FRMD4A: variants seen among roughly 807,000 people sequenced by gnomAD.
FRMD4A encodes FERM domain-containing protein 4A.
Under a neutral mutation model 129.1 loss-of-function variants are expected in FRMD4A, and 29 were observed. That is an observed-to-expected ratio of 0.22 (90% CI 0.17 to 0.31). The LOEUF is 0.31. Ranked by LOEUF, FRMD4A falls within the 10% of genes least tolerant of loss-of-function variation. The probability of loss-of-function intolerance (pLI) is 1.00; values close to 1 mark genes in which losing one functional copy is unlikely to be tolerated. For missense variants in FRMD4A, 1,272 were observed against 1,375.8 expected, an observed-to-expected ratio of 0.92 and a Z score of 1.19; for synonymous variants, 634 against 571.6, an observed-to-expected ratio of 1.11 and a Z score of -1.56.
intron 2 of FRMD4A, among the ~76,000 whole-genome samples, chr10:13,886,093 A>G (rs2094616279): frequency 1.3e-5 from 2 of 151,984 alleles, no homozygotes; most frequent in South Asian, 4.2e-4. Flanking sequence ...ACATCTATAT[A>G]CTTCTTCCCA....
intron 21 of FRMD4A, among the ~76,000 whole-genome samples, chr10:13,657,821 CAA>C (rs1248452255): frequency 3.5e-5 from 5 of 141,530 alleles, no homozygotes; most frequent in African/African-American, 1.4e-4. Context: ...TCTATAGACA[CAA>C]AGAGAATCAC....
At chr10:14,281,345 C>T (rs1194162192) in intron 2 of FRMD4A, among the ~76,000 whole-genome samples, 2 of 152,182 alleles carry the variant, frequency 1.3e-5, no homozygotes, top group East Asian at 1.9e-4. Flanking sequence ...AGCAGGAAGA[C>T]TACATAAAGA....
At chr10:14,324,977 C>A (rs1009015924) in intron 2 of FRMD4A, among the ~76,000 whole-genome samples, 1 of 152,138 alleles carries the variant, frequency 6.6e-6, no homozygotes, top group African/African-American at 2.4e-5. Flanking sequence ...TAAATTTTAT[C>A]GCAAATTATC....
chr10:14,194,154 T>C (rs1156292881), intron 2 of FRMD4A, among the ~76,000 whole-genome samples: 1 of 152,186 alleles, frequency 6.6e-6, no homozygotes, highest in African/African-American at 2.4e-5. Context: ...ACAATCAGCT[T>C]CTATAACCAC....
chr10:14,265,715 C>T (rs141777570), intron 2 of FRMD4A, among the ~76,000 whole-genome samples: 1 of 152,156 alleles, frequency 6.6e-6, no homozygotes, highest in Admixed American at 6.5e-5. Context: ...TCATAGGATG[C>T]AGCTATGGAA....
rs539113835 is a variant in FRMD4A at position 13,996,113 on chromosome 10, A to G, written c.46-137201T>C. Among the ~76,000 whole-genome samples the G allele has an allele frequency of 3.9e-5, 6 of 152,368 alleles. No homozygotes were observed. In the South Asian group the frequency reaches 1.0e-3, roughly 26 times the overall value. ...CAAAACTTTCTTCCTGTGTCCTCAC[A>G]TGGTGGAAGGGACTACTGAGCTTTT... On this transcript the variant is annotated intron_variant, in intron 2 of 24. Transcript: ENST00000357447.
At chr10:13,734,840 C>CTATTTATT (rs140004557) in intron 12 of FRMD4A, among the ~76,000 whole-genome samples, 42 of 141,604 alleles carry the variant, frequency 3.0e-4, no homozygotes, top group Middle Eastern at 3.5e-3. Flanking sequence ...TCTTCTTTTT[C>CTATTTATT]TATTTATTTA....
chr10:13,697,671 T>C (rs1297302931), intron 14 of FRMD4A, among the ~76,000 whole-genome samples: 1 of 151,950 alleles, frequency 6.6e-6, no homozygotes, highest in Non-Finnish European at 1.5e-5. Flanking sequence ...AGCTTCAATG[T>C]CCCTGTCCCC....
At chr10:13,731,755 T>G (rs769211975) in intron 12 of FRMD4A, among the ~76,000 whole-genome samples, 1 of 152,058 alleles carries the variant, frequency 6.6e-6, no homozygotes, top group Admixed American at 6.6e-5. Flanking sequence ...GCTGATATTC[T>G]GGGGGAGGTG....
At chr10:13,666,834 G>C (rs532292900) in intron 17 of FRMD4A, among the ~76,000 whole-genome samples, 2 of 151,900 alleles carry the variant, frequency 1.3e-5, no homozygotes, top group South Asian at 2.1e-4. Context: ...TAACTCACAG[G>C]CCTCTGACTC....
intron 6 of FRMD4A, among the ~76,000 whole-genome samples, chr10:13,777,600 C>T (rs2130761654): frequency 6.6e-6 from 1 of 152,206 alleles, no homozygotes; most frequent in South Asian, 2.1e-4. Flanking sequence ...AAGGTGTCAT[C>T]ACCTCCACTC....
chr10:13,884,204 A>ACTCACACACT (rs2094589303), intron 2 of FRMD4A, among the ~76,000 whole-genome samples: 1 of 52,292 alleles, frequency 1.9e-5, no homozygotes, highest in African/African-American at 6.9e-5. Context: ...ACTCACACAC[A>ACTCACACACT]CACTCACACA....
chr10:13,784,399 G>A (rs3995593), intron 5 of FRMD4A, among the ~76,000 whole-genome samples: 101,744 of 151,742 alleles, frequency 0.67, 34,431 homozygotes, highest in East Asian at 0.83. Flanking sequence ...AACAACAACA[G>A]CAGCAGCAAA....
intron 2 of FRMD4A, among the ~76,000 whole-genome samples, chr10:13,965,710 A>T (rs2095481345): frequency 6.6e-6 from 1 of 152,230 alleles, no homozygotes; most frequent in African/African-American, 2.4e-5. Flanking sequence ...ACAAGTTATG[A>T]ATTGGAAATA....
intron 2 of FRMD4A, among the ~76,000 whole-genome samples, chr10:13,970,964 TA>T (rs2095514111): frequency 6.6e-6 from 1 of 152,192 alleles, no homozygotes; most frequent in Non-Finnish European, 1.5e-5. Context: ...CAGAGGCCAC[TA>T]TGTAAAGGAA....
At chr10:14,310,358 A>G (rs777261561) in intron 2 of FRMD4A, among the ~76,000 whole-genome samples, 2 of 152,248 alleles carry the variant, frequency 1.3e-5, no homozygotes, top group Admixed American at 6.5e-5. Flanking sequence ...TTATTTAGGC[A>G]GACAGTGAGG....
intron 2 of FRMD4A, among the ~76,000 whole-genome samples, chr10:14,248,363 C>T (rs1844318658): frequency 6.6e-6 from 1 of 152,224 alleles, no homozygotes; most frequent in Non-Finnish European, 1.5e-5. Flanking sequence ...AAACCACATA[C>T]TATCTAAATA....
chr10:14,031,269 ATTTT>A (rs11344544), intron 2 of FRMD4A, among the ~76,000 whole-genome samples: 1 of 143,170 alleles, frequency 7.0e-6, no homozygotes. Context: ...TTTTATAGAC[ATTTT>A]TTTTTTTTTT....
At chr10:13,726,015 T>C (rs2089864639) in intron 12 of FRMD4A, among the ~76,000 whole-genome samples, 1 of 152,180 alleles carries the variant, frequency 6.6e-6, no homozygotes, top group African/African-American at 2.4e-5. Context: ...AAACTGGAAG[T>C]GAGTTAGTGC....
Sources: gnomAD v4.1 joint callset for allele counts (sites outside exome capture counted in the v4.1 genomes callset) on GRCh38, gnomAD v4.1.1 for gene constraint, MANE v1.5 for transcripts, NCBI Gene and HGNC (gene_info 2026-07-23, HGNC 2026-07-21) for gene names.